The following ROR1 variants were observed in gnomAD, a reference collection of about 807,000 sequenced individuals.
ROR1 encodes the protein ROR family WNT receptor 1.
ROR1 carries 19 observed loss-of-function variants against 78.8 expected under a neutral mutation model. That is an observed-to-expected ratio of 0.24 (90% CI 0.17 to 0.35). ROR1 has a LOEUF of 0.35. Among genes scored for constraint, ROR1 ranks in the 10% least tolerant of loss-of-function variants. The pLI is 1.00. For synonymous variants in ROR1, 386 were observed against 433.6 expected (o/e 0.89, Z 1.36); for missense variants, 917 against 1,177.8 (o/e 0.78, Z 3.24).
At chr1:63,875,339 A>G (rs947821852) in intron 1 of ROR1, among the ~76,000 whole-genome samples, 5 of 152,212 alleles carry the variant, frequency 3.3e-5, no homozygotes, top group African/African-American at 7.2e-5. Context: ...AAGTGCAGTT[A>G]GTTTTTTCAG....
At chr1:63,988,949 G>A (rs1259089862) in intron 1 of ROR1, among the ~76,000 whole-genome samples, 2 of 152,108 alleles carry the variant, frequency 1.3e-5, no homozygotes, top group South Asian at 4.1e-4. Context: ...GTATGGGTGT[G>A]CATATTTGAG....
In ROR1 at chr1:63,855,305, C is replaced by A. The variant is rs568489910; in HGVS notation, c.91+80797C>A. On this transcript the variant is annotated intron_variant, in intron 1 of 8. Transcript: ENST00000371079. Reference sequence around the variant, plus strand: ...TATAATACTTTTTGATTTTCAAATACCTTATGACTTTGTTTTTTATTACAA... The same window carrying A: ...TATAATACTTTTTGATTTTCAAATAACTTATGACTTTGTTTTTTATTACAA... Among the ~76,000 whole-genome samples, 32 of 152,214 alleles carry A rather than the reference C, an allele frequency of 2.1e-4. 1 individual carries two copies. The South Asian group carries it at 6.2e-3, about 30-fold the overall frequency.
rs78761075 is a variant in ROR1, at chr1:64,083,927, A to G, written c.482+33211A>G. On this transcript the variant is annotated intron_variant, in intron 4 of 8. Coordinates refer to ENST00000371079, the MANE Select transcript of ROR1 (RefSeq NM_005012.4). ...CTTAAGAAATGTGATGGGGCAAAGG[A>G]AAATCTTGCCTTAAATGCATGAAGT... is the stretch of plus-strand genomic sequence containing the variant. Among the ~76,000 whole-genome samples the G allele has an allele frequency of 8.5e-3, 1,289 of 152,340 alleles. 20 individuals carry two copies. The highest frequency in any genetic ancestry group is 0.03 in the African/African-American group (1,237 of 41,574).
At chr1:64,085,004 G>A (rs1014489639) in intron 4 of ROR1, among the ~76,000 whole-genome samples, 1 of 152,180 alleles carries the variant, frequency 6.6e-6, no homozygotes, top group African/African-American at 2.4e-5. Flanking sequence ...TAGCATACTA[G>A]TAATTCTACA....
chr1:64,008,832 A>G (rs1646451698), intron 1 of ROR1, among the ~76,000 whole-genome samples: 1 of 152,022 alleles, frequency 6.6e-6, no homozygotes, highest in African/African-American at 2.4e-5. Context: ...ACGGGGTTTC[A>G]TCATGTTGGT....
intron 1 of ROR1, among the ~76,000 whole-genome samples, chr1:63,894,680 A>C (rs1307474097): frequency 6.6e-6 from 1 of 152,200 alleles, no homozygotes; most frequent in Non-Finnish European, 1.5e-5. Flanking sequence ...TTTATACACC[A>C]AAACCACTGC....
intron 2 of ROR1, among the ~76,000 whole-genome samples, chr1:64,032,177 C>T (rs1646666083): frequency 6.6e-6 from 1 of 151,606 alleles, no homozygotes; most frequent in Admixed American, 6.6e-5. Context: ...CCCGTCTCTA[C>T]TAAACATAAA....
At chr1:63,908,551 A>G (rs184646373) in intron 1 of ROR1, among the ~76,000 whole-genome samples, 59 of 152,346 alleles carry the variant, frequency 3.9e-4, no homozygotes, top group African/African-American at 1.4e-3. Flanking sequence ...ATTTATATGT[A>G]TAGGGATGTG....
In ROR1 at chr1:64,121,833, T is replaced by C. The variant is rs929199792; in HGVS notation, c.483-15536T>C. 4.6e-5 allele frequency among the ~76,000 whole-genome samples: 7 copies of C among 152,286 alleles called. No individual in the cohort carries two copies. In the East Asian group the frequency reaches 1.2e-3, roughly 25 times the overall value. On this transcript the variant is annotated intron_variant, in intron 4 of 8. Coordinates refer to ENST00000371079, the MANE Select transcript of ROR1 (RefSeq NM_005012.4). ...ATGAACCAATAGATCTACCTCTGCCTCTTTTCCTTCCATTTCTTCCTGACT... is the reference window on the plus strand; with the variant it reads ...ATGAACCAATAGATCTACCTCTGCCCCTTTTCCTTCCATTTCTTCCTGACT...
intron 4 of ROR1, among the ~76,000 whole-genome samples, chr1:64,073,796 CCCCCTGTT>C (rs957187451): frequency 6.6e-6 from 1 of 152,158 alleles, no homozygotes; most frequent in Non-Finnish European, 1.5e-5. Flanking sequence ...ACTGGGTTTC[CCCCCTGTT>C]CCCGAAGGGT....
intron 1 of ROR1, among the ~76,000 whole-genome samples, chr1:63,785,093 A>G (rs1344498866): frequency 6.6e-6 from 1 of 152,230 alleles, no homozygotes; most frequent in African/African-American, 2.4e-5. Flanking sequence ...AAAGGCTCTT[A>G]TCTGTTCTTC....
chr1:63,914,830 A>G (rs950155334), intron 1 of ROR1, among the ~76,000 whole-genome samples: 1 of 152,126 alleles, frequency 6.6e-6, no homozygotes, highest in African/African-American at 2.4e-5. Flanking sequence ...AGGCAGAATC[A>G]GTCTCTCTTC....
At chr1:64,168,255 T>C (rs1203776383) in intron 8 of ROR1, among the ~76,000 whole-genome samples, 1 of 152,186 alleles carries the variant, frequency 6.6e-6, no homozygotes, top group African/African-American at 2.4e-5. Context: ...GTTCTTTGGT[T>C]TTTCCATTTG....
chr1:64,148,692 A>G (rs1435955520), intron 7 of ROR1, among the ~76,000 whole-genome samples: 2 of 152,196 alleles, frequency 1.3e-5, no homozygotes, highest in African/African-American at 4.8e-5. Flanking sequence ...ACTCCAGAGC[A>G]GAATATAAAA....
intron 4 of ROR1, among the ~76,000 whole-genome samples, chr1:64,120,275 G>A (rs1173201844): frequency 5.3e-5 from 8 of 152,154 alleles, no homozygotes; most frequent in Non-Finnish European, 1.2e-4. Context: ...AAAGGAGGCA[G>A]TAGGTTCATG....
At chr1:64,152,682 C>T (rs1248670373) in intron 7 of ROR1, among the ~76,000 whole-genome samples, 1 of 152,262 alleles carries the variant, frequency 6.6e-6, no homozygotes, top group African/African-American at 2.4e-5. Context: ...ATTTCAGCTT[C>T]TGGTTTGGAT....
intron 4 of ROR1, among the ~76,000 whole-genome samples, chr1:64,116,812 G>A (rs2100681845): frequency 6.6e-6 from 1 of 152,236 alleles, no homozygotes; most frequent in Admixed American, 6.5e-5. Context: ...CCTTCTCCAG[G>A]AAGTTATCCC....
intron 1 of ROR1, among the ~76,000 whole-genome samples, chr1:63,795,081 G>A (rs1159109127): frequency 2.0e-5 from 3 of 152,224 alleles, no homozygotes; most frequent in Admixed American, 2.0e-4. Flanking sequence ...TGCATCCAGG[G>A]AAGCGGACTT....
chr1:63,994,464 AC>A (rs1288080619), intron 1 of ROR1, among the ~76,000 whole-genome samples: 1 of 152,146 alleles, frequency 6.6e-6, no homozygotes, highest in Non-Finnish European at 1.5e-5. Context: ...CAAATTTATT[AC>A]CTTTTTAAAG....
Sources: allele counts gnomAD v4.1 joint callset (sites outside exome capture counted in the v4.1 genomes callset), GRCh38; gene constraint gnomAD v4.1.1; transcripts MANE v1.5; gene names NCBI Gene and HGNC (gene_info 2026-07-23, HGNC 2026-07-21).